Variants in TSHZ2 observed in about 807,000 individuals in gnomAD.
TSHZ2 encodes teashirt zinc finger homeobox 2.
TSHZ2 carries 21 observed loss-of-function variants against 74.4 expected under a neutral mutation model. The ratio of observed to expected loss-of-function variants is 0.28; its 90% CI spans 0.20 to 0.41. TSHZ2 has a LOEUF of 0.41. Among genes scored for constraint, TSHZ2 ranks in the 10% least tolerant of loss-of-function variants. TSHZ2 has a pLI of 1.00. For missense variants in TSHZ2, 1,244 were observed against 1,293.5 expected (o/e 0.96, Z 0.59); for synonymous variants, 540 against 515.3 (o/e 1.05, Z -0.65).
intron 1 of TSHZ2, among the ~76,000 whole-genome samples, chr20:53,182,119 C>G (rs1172572699): frequency 1.3e-5 from 2 of 151,472 alleles, no homozygotes; most frequent in South Asian, 4.2e-4. Flanking sequence ...TCCTTCCTCC[C>G]TTCTTTCTCT....
In TSHZ2 at chr20:52,973,145, G is replaced by A. The variant is rs938128788; in HGVS notation, c.-149G>A. On this transcript the variant is annotated 5_prime_UTR_variant, in exon 1 of 3. Coordinates refer to ENST00000371497, the MANE Select transcript of TSHZ2 (RefSeq NM_173485.6). ...TGGCCCGTGGTGGAGGAGTTGCAGG[G>A]GGGATCGTCAGGGGGACAGAGGCCG... 2 of 990,648 alleles carry A rather than the reference G, an allele frequency of 2.0e-6. No homozygotes were observed. Among genetic ancestry groups the A allele is most frequent in the Non-Finnish European group, 3.0e-6 (2 of 674,696 alleles). 61.4% of individuals were successfully genotyped at this position (990,648 alleles called of 1,614,324 possible).
intron 1 of TSHZ2, among the ~76,000 whole-genome samples, chr20:53,207,979 C>G (rs1187554053): frequency 6.7e-6 from 1 of 150,202 alleles, no homozygotes; most frequent in Non-Finnish European, 1.5e-5. Context: ...GGATGACAGG[C>G]AGGAGCCACC....
intron 1 of TSHZ2, among the ~76,000 whole-genome samples, chr20:52,990,548 G>A (rs1981943257): frequency 6.6e-6 from 1 of 152,156 alleles, no homozygotes; most frequent in Non-Finnish European, 1.5e-5. Flanking sequence ...AATAGATCAA[G>A]CTTCAGAGCT....
chr20:53,159,045 A>G (rs1358360199), intron 1 of TSHZ2, among the ~76,000 whole-genome samples: 4 of 152,220 alleles, frequency 2.6e-5, no homozygotes, highest in African/African-American at 9.7e-5. Flanking sequence ...AACAAATACG[A>G]TAGGTACAAA....
At position 53,495,189 on chromosome 20, in the gene TSHZ2, T is replaced by G. The variant is rs1294470866; in HGVS notation, c.*8054T>G. The G allele has an allele frequency of 6.6e-6, 1 of 152,190 alleles. No homozygotes were observed. Among genetic ancestry groups the G allele is most frequent in the African/African-American group, 2.4e-5 (1 of 41,448 alleles). 9.4% of individuals were successfully genotyped at this position (152,190 alleles called of 1,614,324 possible). On this transcript the variant is annotated 3_prime_UTR_variant, in exon 3 of 3. Coordinates refer to ENST00000371497, the MANE Select transcript of TSHZ2 (RefSeq NM_173485.6). ...GATGCACTTAAAACATGAAAAGAATTATTTATATGATAAAAATATATTTAG... is the reference window on the plus strand; with the variant it reads ...GATGCACTTAAAACATGAAAAGAATGATTTATATGATAAAAATATATTTAG...
rs1210812483 is a variant in TSHZ2 at position 53,159,597 on chromosome 20, T to C, written c.41-93902T>C. ...TATTCTTCCCATGACTGCAACAAAATGTCAGTTAAAGAGAAATAAATGTTT... is the reference window on the plus strand; with the variant it reads ...TATTCTTCCCATGACTGCAACAAAACGTCAGTTAAAGAGAAATAAATGTTT... On this transcript the variant is annotated intron_variant, in intron 1 of 2. Coordinates refer to ENST00000371497, the MANE Select transcript of TSHZ2 (RefSeq NM_173485.6). Among the ~76,000 whole-genome samples, 5 of 151,750 alleles carry C rather than the reference T, an allele frequency of 3.3e-5. No homozygotes were observed. In the East Asian group the frequency reaches 7.7e-4, roughly 23 times the overall value.
intron 1 of TSHZ2, among the ~76,000 whole-genome samples, chr20:53,018,893 T>C (rs554160980): frequency 4.6e-5 from 7 of 152,344 alleles, no homozygotes; most frequent in African/African-American, 1.7e-4. Context: ...CTTCGTCCAA[T>C]TTAAAAATAT....
chr20:53,197,456 C>T (rs1988900536), intron 1 of TSHZ2, among the ~76,000 whole-genome samples: 1 of 152,126 alleles, frequency 6.6e-6, no homozygotes, highest in African/African-American at 2.4e-5. Flanking sequence ...ACATTAACAT[C>T]TTCTGTGTCT....
intron 1 of TSHZ2, among the ~76,000 whole-genome samples, chr20:53,154,738 G>A (rs73146625): frequency 0.023 from 3,427 of 152,200 alleles, 63 homozygotes; most frequent in Non-Finnish European, 0.033. Flanking sequence ...AAAACCTCAA[G>A]GTTCTTATCT....
chr20:53,042,034 C>T lies in TSHZ2; in HGVS notation c.40+68701C>T, dbSNP rs530586622. Among the ~76,000 whole-genome samples the T allele has an allele frequency of 2.9e-4, 44 of 151,884 alleles. 1 individual carries two copies. The South Asian group carries it at 8.5e-3, about 29-fold the overall frequency. ...GAAATAAGCCTCTCCTACATTGCAGCATATTACCCAAATGTGGGAAAAAAA... is the reference window on the plus strand; with the variant it reads ...GAAATAAGCCTCTCCTACATTGCAGTATATTACCCAAATGTGGGAAAAAAA... On this transcript the variant is annotated intron_variant, in intron 1 of 2. Coordinates refer to ENST00000371497, the MANE Select transcript of TSHZ2 (RefSeq NM_173485.6).
rs371359063 is a variant in TSHZ2 at position 53,236,074 on chromosome 20, TAA to T, written c.41-17422_41-17421del. 4.0e-3 allele frequency among the ~76,000 whole-genome samples: 609 copies of T among 152,338 alleles called. 4 individuals carry two copies. The highest frequency in any genetic ancestry group is 0.014 in the African/African-American group (579 of 41,564). On this transcript the variant is annotated intron_variant, in intron 1 of 2. Coordinates refer to ENST00000371497, the MANE Select transcript of TSHZ2 (RefSeq NM_173485.6). ...TCCAGCAAAGAAAGCAGTCAATTCA[TAA>T]AAGTCAATCCTCTTAGCTCAGGTTA...
chr20:53,268,407 C>T (rs188956994), intron 2 of TSHZ2, among the ~76,000 whole-genome samples: 20 of 152,040 alleles, frequency 1.3e-4, no homozygotes, highest in Non-Finnish European at 1.9e-4. Context: ...AGACATGGGC[C>T]GAGACATGGC....
At chr20:53,287,207 A>C (rs1324033057) in intron 2 of TSHZ2, among the ~76,000 whole-genome samples, 1 of 152,058 alleles carries the variant, frequency 6.6e-6, no homozygotes, top group African/African-American at 2.4e-5. Flanking sequence ...AAATAGACAT[A>C]ATAATGATAC....
At position 53,492,626 on chromosome 20, in the gene TSHZ2, C is replaced by T. The variant is rs1986478932; in HGVS notation, c.*5491C>T. ...TGACATGAATCATTAACTTCCAAAC[C>T]CCTTTAAAATCAAGAAGCTAGGTGA... On this transcript the variant is annotated 3_prime_UTR_variant, in exon 3 of 3. Coordinates refer to ENST00000371497, the MANE Select transcript of TSHZ2 (RefSeq NM_173485.6). 6.6e-6 allele frequency: 1 copy of T among 152,098 alleles called. No homozygotes were observed. Among genetic ancestry groups the T allele is most frequent in the Non-Finnish European group, 1.5e-5 (1 of 68,018 alleles). 9.4% of individuals were successfully genotyped at this position (152,098 alleles called of 1,614,324 possible).
At chr20:53,144,405 T>G (rs1440007777) in intron 1 of TSHZ2, among the ~76,000 whole-genome samples, 1 of 152,184 alleles carries the variant, frequency 6.6e-6, no homozygotes, top group Non-Finnish European at 1.5e-5. Flanking sequence ...CAATGACAGC[T>G]TGGAGGTTAC....
intron 1 of TSHZ2, among the ~76,000 whole-genome samples, chr20:53,171,891 C>T (rs1988212144): frequency 6.6e-6 from 1 of 151,916 alleles, no homozygotes; most frequent in Admixed American, 6.6e-5. Flanking sequence ...GGGCTTTCCC[C>T]CTAGATGAAA....
intron 1 of TSHZ2, among the ~76,000 whole-genome samples, chr20:53,236,657 G>A (rs748798743): frequency 1.3e-5 from 2 of 152,168 alleles, no homozygotes; most frequent in Non-Finnish European, 2.9e-5. Context: ...TTCTCACGCT[G>A]CTCTAAAGAA....
At chr20:53,114,391 T>C (rs758033246) in intron 1 of TSHZ2, among the ~76,000 whole-genome samples, 8 of 152,094 alleles carry the variant, frequency 5.3e-5, no homozygotes, top group South Asian at 2.1e-4. Context: ...CTCTCTAAAC[T>C]TCAGACCCTC....
intron 2 of TSHZ2, among the ~76,000 whole-genome samples, chr20:53,338,225 A>G (rs1980036080): frequency 6.6e-6 from 1 of 152,202 alleles, no homozygotes; most frequent in Admixed American, 6.5e-5. Context: ...CTTTCCACAT[A>G]AAATTGAAGG....
Sources: allele counts gnomAD v4.1 joint callset (sites outside exome capture counted in the v4.1 genomes callset), GRCh38; gene constraint gnomAD v4.1.1; transcripts MANE v1.5; gene names NCBI Gene and HGNC (gene_info 2026-07-23, HGNC 2026-07-21).